The following RBFOX1 variants were observed in gnomAD, a reference collection of about 807,000 sequenced individuals.
The protein encoded by RBFOX1 is RNA binding fox-1 homolog 1.
RBFOX1 carries 8 observed loss-of-function variants against 57.7 expected under a neutral mutation model. The observed-to-expected ratio is 0.14, with a 90% confidence interval of 0.08 to 0.25. The LOEUF is 0.25. RBFOX1 is among the 10% of genes least tolerant of loss of function. The pLI is 1.00. For missense variants in RBFOX1, 611 were observed against 548.5 expected (o/e 1.11, Z -1.14); for synonymous variants, 326 against 222.4 (o/e 1.47, Z -4.15).
chr16:6,752,304 C>G (rs1003944239), intron 3 of RBFOX1, among the ~76,000 whole-genome samples: 1 of 152,124 alleles, frequency 6.6e-6, no homozygotes, highest in Non-Finnish European at 1.5e-5. Flanking sequence ...GTACTCCAGA[C>G]CTCCAATAAC....
intron 4 of RBFOX1, among the ~76,000 whole-genome samples, chr16:7,459,546 T>C (rs139542710): frequency 2.8e-3 from 419 of 152,296 alleles, no homozygotes; most frequent in African/African-American, 8.9e-3. Context: ...TGTGGAACAA[T>C]TTAAAATTTC....
intron 3 of RBFOX1, among the ~76,000 whole-genome samples, chr16:6,670,745 C>T (rs546378006): frequency 5.3e-5 from 8 of 152,092 alleles, no homozygotes; most frequent in Non-Finnish European, 1.0e-4. Context: ...CGCCTGTAAT[C>T]CCAGCACTCT....
chr16:6,298,125 C>T lies in RBFOX1; in HGVS notation c.-126-18870C>T, dbSNP rs561646224. Among the ~76,000 whole-genome samples the T allele has an allele frequency of 5.7e-4, 87 of 152,330 alleles. 1 individual carries two copies. The highest frequency in any genetic ancestry group is 7.7e-4 in the African/African-American group (32 of 41,590). On this transcript the variant is annotated intron_variant, in intron 1 of 15. Coordinates refer to ENST00000550418, the MANE Select transcript of RBFOX1 (RefSeq NM_018723.4). ...GGCTAAAAGAGCACACTGTAACACA[C>T]GCCCAGTTGGGCTCCTGCAGCTGTC...
chr16:7,341,490 G>C (rs991167156), intron 4 of RBFOX1, among the ~76,000 whole-genome samples: 3 of 152,144 alleles, frequency 2.0e-5, no homozygotes, highest in African/African-American at 4.8e-5. Context: ...GCCATTCGCA[G>C]TAGAGTCAGA....
chr16:5,773,693 C>T (rs544052555), intron 3 of RBFOX1, among the ~76,000 whole-genome samples: 99 of 152,176 alleles, frequency 6.5e-4, no homozygotes, highest in African/African-American at 2.4e-3. Flanking sequence ...AAAGCATGTG[C>T]ATTTTTATTT....
chr16:7,119,638 C>T (rs922485803), intron 4 of RBFOX1, among the ~76,000 whole-genome samples: 1 of 151,606 alleles, frequency 6.6e-6, no homozygotes. Context: ...GATAAGAGGG[C>T]CAAGTCACCA....
intron 2 of RBFOX1, among the ~76,000 whole-genome samples, chr16:6,354,049 G>A (rs12149654): frequency 0.012 from 1,883 of 152,114 alleles, 31 homozygotes; most frequent in Middle Eastern, 0.065. Context: ...GTGAGACCCC[G>A]TCTCTACCAA....
intron 5 of RBFOX1, among the ~76,000 whole-genome samples, chr16:7,567,769 C>T (rs1225673336): frequency 4.1e-5 from 6 of 145,914 alleles, no homozygotes; most frequent in African/African-American, 1.3e-4. Context: ...CTATATATAT[C>T]CCTCTCTATA....
intron 3 of RBFOX1, among the ~76,000 whole-genome samples, chr16:7,039,938 G>C (rs1329354793): frequency 6.6e-6 from 1 of 151,984 alleles, no homozygotes; most frequent in Non-Finnish European, 1.5e-5. Context: ...CAGAATTGGA[G>C]CTTTTGTTTT....
At chr16:5,389,844 C>A (rs952153108) in intron 1 of RBFOX1, among the ~76,000 whole-genome samples, 9 of 151,826 alleles carry the variant, frequency 5.9e-5, no homozygotes, top group Non-Finnish European at 1.2e-4. Flanking sequence ...ATTACAGGTG[C>A]CTGCCACCAC....
intron 4 of RBFOX1, among the ~76,000 whole-genome samples, chr16:7,239,087 G>C (rs77127241): frequency 0.095 from 14,416 of 152,230 alleles, 843 homozygotes; most frequent in Middle Eastern, 0.13. Context: ...ATTGTGAATA[G>C]TGCTGCATTG....
intron 4 of RBFOX1, among the ~76,000 whole-genome samples, chr16:6,001,885 T>C (rs1004077544): frequency 7.7e-4 from 117 of 152,052 alleles, no homozygotes; most frequent in African/African-American, 2.7e-3. Context: ...TCATTCCCTC[T>C]TCTTCCCCTA....
At chr16:7,331,438 T>G (rs903859585) in intron 4 of RBFOX1, among the ~76,000 whole-genome samples, 2 of 152,150 alleles carry the variant, frequency 1.3e-5, no homozygotes, top group African/African-American at 2.4e-5. Flanking sequence ...TTCAAAATTG[T>G]GGAACTACAC....
chr16:7,026,205 C>A (rs758840280), intron 3 of RBFOX1, among the ~76,000 whole-genome samples: 2 of 152,140 alleles, frequency 1.3e-5, no homozygotes, highest in Admixed American at 6.6e-5. Flanking sequence ...ACATCAAGAC[C>A]GTCTCTTCTA....
intron 1 of RBFOX1, among the ~76,000 whole-genome samples, chr16:6,197,840 C>T (rs1179289778): frequency 1.3e-5 from 2 of 152,004 alleles, no homozygotes; most frequent in Non-Finnish European, 2.9e-5. Context: ...GTCTGTTGTT[C>T]CCTTCGTGTC....
chr16:7,329,070 C>T (rs946150919), intron 4 of RBFOX1, among the ~76,000 whole-genome samples: 2 of 152,124 alleles, frequency 1.3e-5, no homozygotes, highest in Non-Finnish European at 2.9e-5. Flanking sequence ...GGTGTATTGT[C>T]AACGGATGCT....
intron 2 of RBFOX1, among the ~76,000 whole-genome samples, chr16:6,472,083 A>C (rs991569225): frequency 6.6e-6 from 1 of 152,122 alleles, no homozygotes; most frequent in East Asian, 1.9e-4. Context: ...ACTAGTCATC[A>C]GACTCTACCG....
intron 3 of RBFOX1, among the ~76,000 whole-genome samples, chr16:5,729,220 G>C (rs1322987258): frequency 6.6e-6 from 1 of 152,154 alleles, no homozygotes; most frequent in Non-Finnish European, 1.5e-5. Flanking sequence ...TTTGTAGTCT[G>C]TCAGATAGGG....
chr16:5,519,087 G>A (rs2043911314), intron 2 of RBFOX1, among the ~76,000 whole-genome samples: 1 of 152,158 alleles, frequency 6.6e-6, no homozygotes, highest in Admixed American at 6.5e-5. Flanking sequence ...AAGGAGAGAG[G>A]CTCCAAAAGA....
Sources: gnomAD v4.1 joint callset for allele counts (sites outside exome capture counted in the v4.1 genomes callset) on GRCh38, gnomAD v4.1.1 for gene constraint, MANE v1.5 for transcripts, NCBI Gene and HGNC (gene_info 2026-07-23, HGNC 2026-07-21) for gene names.